Variants in ESR1 observed in about 807,000 individuals in gnomAD.
The protein encoded by ESR1 is estrogen receptor 1.
Under a neutral mutation model 52.7 loss-of-function variants are expected in ESR1, and 12 were observed. The observed-to-expected ratio is 0.23, with a 90% CI of 0.15 to 0.37. The LOEUF is 0.37. Ranked by LOEUF, ESR1 falls within the 10% of genes least tolerant of loss-of-function variation. The probability of loss-of-function intolerance (pLI) is 1.00; values close to 1 mark genes in which losing one functional copy is unlikely to be tolerated. For missense variants in ESR1, 584 were observed against 779.7 expected (o/e 0.75, Z 2.99); for synonymous variants, 305 against 316.8 (o/e 0.96, Z 0.39).
intron 2 of ESR1, among the ~76,000 whole-genome samples, chr6:151,740,285 A>ATTTT (rs386408967): frequency 4.2e-4 from 45 of 107,962 alleles, no homozygotes; most frequent in South Asian, 6.2e-4. Context: ...TGCCTGGCTA[A>ATTTT]TTTTTTTTTT....
chr6:152,106,044 C>T (rs967310296), downstream of ESR1, among the ~76,000 whole-genome samples: 8 of 151,922 alleles, frequency 5.3e-5, no homozygotes, highest in Middle Eastern at 6.8e-3. Context: ...CCACCCGCCT[C>T]GGCCTCCCAA....
intron 4 of ESR1, among the ~76,000 whole-genome samples, chr6:151,969,303 T>G (rs1305989154): frequency 6.6e-6 from 1 of 152,224 alleles, no homozygotes; most frequent in Non-Finnish European, 1.5e-5. Context: ...ATACCATCAT[T>G]AGAGTTTGGG....
At chr6:152,029,388 C>T (rs991480334) in intron 5 of ESR1, among the ~76,000 whole-genome samples, 42 of 152,058 alleles carry the variant, frequency 2.8e-4, no homozygotes, top group African/African-American at 9.7e-4. Flanking sequence ...AGTTAAAAAC[C>T]TTGAAAAAAG....
At chr6:152,073,857 T>G (rs1311632884) in intron 6 of ESR1, among the ~76,000 whole-genome samples, 1 of 152,220 alleles carries the variant, frequency 6.6e-6, no homozygotes, top group Non-Finnish European at 1.5e-5. Context: ...CTTCACTTCC[T>G]TTCGCCTCAG....
intron 2 of ESR1, among the ~76,000 whole-genome samples, chr6:151,721,779 T>C (rs1781479174): frequency 6.6e-6 from 1 of 152,242 alleles, no homozygotes; most frequent in Non-Finnish European, 1.5e-5. Flanking sequence ...TTTACAGTTG[T>C]GACCATGGGC....
intron 3 of ESR1, among the ~76,000 whole-genome samples, chr6:151,888,455 CT>C (rs1225740240): frequency 2.6e-5 from 4 of 151,730 alleles, no homozygotes; most frequent in South Asian, 4.2e-4. Flanking sequence ...TTCTTGATTT[CT>C]TTTTTTGGAT....
intron 2 of ESR1, among the ~76,000 whole-genome samples, chr6:151,879,339 T>C (rs948466404): frequency 2.0e-5 from 3 of 152,126 alleles, no homozygotes; most frequent in African/African-American, 7.2e-5. Context: ...CCTAGGGAAG[T>C]TGCTTTTTTG....
intron 5 of ESR1, among the ~76,000 whole-genome samples, chr6:152,038,107 A>G (rs2045468562): frequency 6.6e-6 from 1 of 152,182 alleles, no homozygotes. Context: ...AAGGCCCAAG[A>G]GCCCCTGGCA....
intron 2 of ESR1, among the ~76,000 whole-genome samples, chr6:151,745,823 A>T (rs772600025): frequency 6.6e-5 from 10 of 152,168 alleles, no homozygotes; most frequent in Non-Finnish European, 1.5e-4. Context: ...AGTATATTCA[A>T]CAGATCTCCA....
chr6:152,110,925 G>A (rs1309098667), intron 6 of ESR1, among the ~76,000 whole-genome samples: 1 of 152,148 alleles, frequency 6.6e-6, no homozygotes, highest in Admixed American at 6.5e-5. Flanking sequence ...GCACCTGGGG[G>A]TGCCAGTGCT....
chr6:151,998,457 G>C (rs1468028294), intron 4 of ESR1, among the ~76,000 whole-genome samples: 1 of 151,942 alleles, frequency 6.6e-6, no homozygotes, highest in Non-Finnish European at 1.5e-5. Flanking sequence ...ACCGTGCTGG[G>C]TTCTTTGGGA....
intron 4 of ESR1, among the ~76,000 whole-genome samples, chr6:151,954,203 A>G (rs920124397): frequency 1.3e-5 from 2 of 152,214 alleles, no homozygotes; most frequent in Non-Finnish European, 2.9e-5. Context: ...AAACTGTTCC[A>G]TGCAGTTTGC....
intron 4 of ESR1, among the ~76,000 whole-genome samples, chr6:151,967,774 T>C (rs1207051752): frequency 6.6e-6 from 1 of 152,222 alleles, no homozygotes; most frequent in African/African-American, 2.4e-5. Context: ...TCTTCCACAA[T>C]GGTTGACTAA....
chr6:151,859,079 G>A (rs894497544), intron 2 of ESR1, among the ~76,000 whole-genome samples: 8 of 152,128 alleles, frequency 5.3e-5, no homozygotes, highest in African/African-American at 1.9e-4. Context: ...GATATGGAAG[G>A]GTCAGAAAAA....
chr6:151,658,325 G>A (rs1219265015), intron 1 of ESR1, among the ~76,000 whole-genome samples: 1 of 152,168 alleles, frequency 6.6e-6, no homozygotes, highest in Non-Finnish European at 1.5e-5. Context: ...TTGTGAAATA[G>A]CTCACGAAAG....
chr6:152,056,548 G>A (rs2047120881), intron 5 of ESR1, among the ~76,000 whole-genome samples: 1 of 152,208 alleles, frequency 6.6e-6, no homozygotes, highest in South Asian at 2.1e-4. Context: ...TGGAGGAAGA[G>A]ATGCCTTAGG....
intron 3 of ESR1, among the ~76,000 whole-genome samples, chr6:151,899,195 G>A (rs1344289777): frequency 2.1e-5 from 3 of 144,580 alleles, no homozygotes; most frequent in African/African-American, 5.1e-5. Flanking sequence ...TCCCAGTAGG[G>A]GCAGCTGGGC....
At chr6:151,741,085 G>A (rs1375901748) in intron 2 of ESR1, among the ~76,000 whole-genome samples, 2 of 152,116 alleles carry the variant, frequency 1.3e-5, no homozygotes, top group Non-Finnish European at 2.9e-5. Context: ...TGTGAGAGGC[G>A]GGCCCGTCAG....
chr6:152,042,557 A>C (rs2045895666), intron 5 of ESR1, among the ~76,000 whole-genome samples: 1 of 152,142 alleles, frequency 6.6e-6, no homozygotes, highest in South Asian at 2.1e-4. Context: ...ATTGTCAGCA[A>C]TGTAGTGGGG....
Sources: gnomAD v4.1 joint callset for allele counts (sites outside exome capture counted in the v4.1 genomes callset) on GRCh38, gnomAD v4.1.1 for gene constraint, MANE v1.5 for transcripts, NCBI Gene and HGNC (gene_info 2026-07-23, HGNC 2026-07-21) for gene names.